The following STIM2 variants were observed in gnomAD, a reference collection of about 807,000 sequenced individuals.
STIM2 encodes the protein stromal interaction molecule 2.
Under a neutral mutation model 85.8 loss-of-function variants are expected in STIM2, and 31 were observed. That is an observed-to-expected ratio of 0.36 (90% CI 0.27 to 0.49). STIM2 has a LOEUF of 0.49. Among genes scored for constraint, STIM2 ranks in the 20% least tolerant of loss-of-function variants. The pLI is 0.98. For missense variants in STIM2, 841 were observed against 927.6 expected (o/e 0.91, Z 1.21); for synonymous variants, 356 against 331.1 (o/e 1.08, Z -0.82).
chr4:26,967,328 A>G (rs1726760783), intron 3 of STIM2, among the ~76,000 whole-genome samples: 1 of 152,224 alleles, frequency 6.6e-6, no homozygotes, highest in African/African-American at 2.4e-5. Context: ...AGTTCACTAA[A>G]AGAAGGAAAG....
chr4:26,941,126 C>A (rs13129073), intron 2 of STIM2, among the ~76,000 whole-genome samples: 93,111 of 151,464 alleles, frequency 0.61, 29,705 homozygotes, highest in African/African-American at 0.81. Flanking sequence ...ACCAAAGTGA[C>A]CTACTGACAG....
At chr4:26,911,305 T>G (rs183848477) in intron 1 of STIM2, among the ~76,000 whole-genome samples, 2 of 151,824 alleles carry the variant, frequency 1.3e-5, no homozygotes, top group Non-Finnish European at 2.9e-5. Flanking sequence ...ATTTGAAAGG[T>G]ATAGATGAAG....
Position 26,938,161 on chromosome 4 carries a change from C to T in STIM2, c.282+18527C>T, listed in dbSNP as rs1462254166. 3.4e-5 allele frequency among the ~76,000 whole-genome samples: 5 copies of T among 149,192 alleles called. No homozygotes were observed. The East Asian group carries it at 9.8e-4, about 29-fold the overall frequency. ...GAATTTTTTTTTCAGTAGCACATTTCTTGGTTTTCCCAAATTTTCTTTTTT... is the reference window on the plus strand; with the variant it reads ...GAATTTTTTTTTCAGTAGCACATTTTTTGGTTTTCCCAAATTTTCTTTTTT... On this transcript the variant is annotated intron_variant, in intron 2 of 11. Coordinates refer to ENST00000467087, the MANE Select transcript of STIM2 (RefSeq NM_020860.4).
intron 8 of STIM2, chr4:27,007,983 G>T: frequency 1.4e-6 from 1 of 717,674 alleles, no homozygotes; most frequent in Non-Finnish European, 2.6e-6. Flanking sequence ...TTTCCTCTAG[G>T]TTGCTGCTTC....
intron 1 of STIM2, among the ~76,000 whole-genome samples, chr4:26,898,614 G>A: frequency 6.6e-6 from 1 of 152,110 alleles, no homozygotes; most frequent in East Asian, 1.9e-4. Flanking sequence ...ACTTTGATCA[G>A]TATTTTGGTT....
At chr4:26,966,486 G>C (rs1726722508) in intron 3 of STIM2, among the ~76,000 whole-genome samples, 2 of 152,036 alleles carry the variant, frequency 1.3e-5, no homozygotes, top group African/African-American at 4.8e-5. Context: ...GTTAACTTTT[G>C]TTTCTTTCTC....
In STIM2 at chr4:27,023,221, A is replaced by G; in HGVS notation, c.*225A>G. ...TCAAGCCAGTTATTACTGAAAAATC[A>G]TTGAAATGAGACAGTTTACAGTCAT... On this transcript the variant is annotated 3_prime_UTR_variant, in exon 12 of 12. Transcript: ENST00000467087. 1.9e-6 allele frequency: 1 copy of G among 521,196 alleles called. No homozygotes were observed. Among genetic ancestry groups the G allele is most frequent in the Non-Finnish European group, 3.4e-6 (1 of 292,056 alleles). 32.3% of individuals were successfully genotyped at this position (521,196 alleles called of 1,614,324 possible).
At chr4:26,991,448 A>G (rs190662332) in intron 3 of STIM2, among the ~76,000 whole-genome samples, 3 of 152,210 alleles carry the variant, frequency 2.0e-5, no homozygotes, top group Admixed American at 2.0e-4. Flanking sequence ...AATGAAGAGA[A>G]GTTGGTTAAT....
chr4:26,880,600 CATATATATAAATATATATGTAAAT>C (rs71643699), intron 1 of STIM2, among the ~76,000 whole-genome samples: 162 of 95,708 alleles, frequency 1.7e-3, no homozygotes, highest in Admixed American at 3.2e-3. Flanking sequence ...CATAAACCTT[CATATATATAAATATATATGTAAAT>C]ATATATATAA....
intron 10 of STIM2, among the ~76,000 whole-genome samples, 188 bp downstream of exon 10, chr4:27,009,190 T>A (rs1254928908): frequency 6.6e-6 from 1 of 152,200 alleles, no homozygotes; most frequent in Admixed American, 6.5e-5. Flanking sequence ...CATATATCAA[T>A]ACTTTGTGTA....
chr4:26,927,910 TC>T (rs1216929196), intron 2 of STIM2, among the ~76,000 whole-genome samples: 5 of 148,370 alleles, frequency 3.4e-5, no homozygotes, highest in Non-Finnish European at 7.4e-5. Context: ...TTAATATATT[TC>T]TTAGTCTGGT....
chr4:26,873,847 A>G (rs1427560423), intron 1 of STIM2: 4 of 1,037,544 alleles, frequency 3.9e-6, no homozygotes, highest in Non-Finnish European at 4.5e-6. Flanking sequence ...GTGGGTGGGT[A>G]CGTGAACCCA....
intron 2 of STIM2, among the ~76,000 whole-genome samples, chr4:26,921,783 G>T (rs1462757884): frequency 6.6e-6 from 1 of 152,110 alleles, no homozygotes; most frequent in Non-Finnish European, 1.5e-5. Context: ...ATCACTTTGA[G>T]AGTGTGATAG....
rs78945250 is a variant in STIM2 at position 26,868,889 on chromosome 4, C to T, written c.151+7520C>T. Reference sequence around the variant, plus strand: ...ATATTCAGACTGTATTAATCCTCGCCGTTTCTTTCTTCTGGGTACCACATT... The same window carrying T: ...ATATTCAGACTGTATTAATCCTCGCTGTTTCTTTCTTCTGGGTACCACATT... On this transcript the variant is annotated intron_variant, in intron 1 of 11. Coordinates refer to ENST00000467087, the MANE Select transcript of STIM2 (RefSeq NM_020860.4). Among the ~76,000 whole-genome samples, 898 of 152,238 alleles carry T rather than the reference C, an allele frequency of 5.9e-3. 13 individuals are homozygous for T. The highest frequency in any genetic ancestry group is 0.029 in the East Asian group (150 of 5,178).
At chr4:26,942,551 C>G (rs1197681083) in intron 2 of STIM2, among the ~76,000 whole-genome samples, 3 of 152,084 alleles carry the variant, frequency 2.0e-5, no homozygotes, top group Non-Finnish European at 4.4e-5. Context: ...CATTACACCA[C>G]CAAAATTATT....
chr4:27,016,888 G>T (rs1158151023), intron 10 of STIM2, among the ~76,000 whole-genome samples: 1 of 152,200 alleles, frequency 6.6e-6, no homozygotes, highest in Non-Finnish European at 1.5e-5. Flanking sequence ...GTTCGCTTCA[G>T]CAGGAATGCA....
intron 1 of STIM2, among the ~76,000 whole-genome samples, chr4:26,869,440 A>C (rs1368043647): frequency 1.3e-5 from 2 of 152,190 alleles, no homozygotes; most frequent in African/African-American, 4.8e-5. Flanking sequence ...ATAGAGTTTT[A>C]AACATTATTT....
intron 1 of STIM2, among the ~76,000 whole-genome samples, chr4:26,913,910 T>C (rs116779523): frequency 8.9e-4 from 135 of 152,292 alleles, no homozygotes; most frequent in Non-Finnish European, 1.5e-3. Flanking sequence ...ACTCATATAC[T>C]GCCCTGTGAT....
intron 4 of STIM2, among the ~76,000 whole-genome samples, chr4:26,998,114 G>A (rs893677632): frequency 6.6e-6 from 1 of 152,080 alleles, no homozygotes; most frequent in African/African-American, 2.4e-5. Flanking sequence ...TAAGCCATTG[G>A]TACAGGACCC....
Sources: allele counts gnomAD v4.1 joint callset (sites outside exome capture counted in the v4.1 genomes callset), GRCh38; gene constraint gnomAD v4.1.1; transcripts MANE v1.5; gene names NCBI Gene and HGNC (gene_info 2026-07-23, HGNC 2026-07-21).